ETNPPL: variants seen among roughly 807,000 people sequenced by gnomAD.
ETNPPL encodes alanine--glyoxylate aminotransferase 2-like 1.
ETNPPL carries 30 observed loss-of-function variants against 55.5 expected under a neutral mutation model. The observed-to-expected ratio is 0.54, with a 90% CI of 0.40 to 0.73. ETNPPL has a LOEUF of 0.73. ETNPPL is among the 30% of genes least tolerant of loss of function. The probability of loss-of-function intolerance (pLI) is 0.00; values close to 1 mark genes in which losing one functional copy is unlikely to be tolerated. For missense variants in ETNPPL, 528 were observed against 607.9 expected, an observed-to-expected ratio of 0.87 and a Z score of 1.38; for synonymous variants, 202 against 207.2, an observed-to-expected ratio of 0.98 and a Z score of 0.21.
chr4:108,746,731 T>C (rs1166727215), intron 10 of ETNPPL, 31 bp downstream of exon 10: 3 of 1,600,004 alleles, frequency 1.9e-6, no homozygotes, highest in South Asian at 1.1e-5. Context: ...GCAGCCAAGA[T>C]ACCAAACAGG....
intron 8 of ETNPPL, among the ~76,000 whole-genome samples, chr4:108,748,493 C>T (rs1187723610): frequency 1.3e-5 from 2 of 152,102 alleles, no homozygotes; most frequent in Admixed American, 1.3e-4. Context: ...GGTTTCTGCC[C>T]TTGAAGAGCT....
rs530138972 is a variant in ETNPPL at position 108,752,851 on chromosome 4, T to C, written c.618+44A>G. 2.1e-5 allele frequency: 24 copies of C among 1,116,376 alleles called. No individual in the cohort carries two copies. In the South Asian group the frequency reaches 3.0e-4, roughly 14 times the overall value. The allele number at this position is 1,116,376 out of a possible 1,614,324, so 69.2% of individuals were successfully genotyped here. On this transcript the variant is annotated intron_variant, in intron 6 of 12. Coordinates refer to ENST00000296486, the MANE Select transcript of ETNPPL (RefSeq NM_031279.4). ...GTGAATCCCAACAGTTTTAATCCCT[T>C]TTATAAAAGATGTTGAGATGTTTCC... is the stretch of plus-strand genomic sequence containing the variant.
At chr4:108,748,469 G>A (rs1728729237) in intron 8 of ETNPPL, among the ~76,000 whole-genome samples, 1 of 152,170 alleles carries the variant, frequency 6.6e-6, no homozygotes. Context: ...GTGTTGCCCA[G>A]TGAGGGAAAT....
At chr4:108,762,607 G>C in intron 1 of ETNPPL, 1 of 634,738 alleles carries the variant, frequency 1.6e-6, no homozygotes. Context: ...GCCGGCTGCA[G>C]AGCGAGCCGG....
At chr4:108,762,691 A>G in intron 1 of ETNPPL, 152 bp downstream of exon 1, 1 of 947,104 alleles carries the variant, frequency 1.1e-6, no homozygotes, top group Non-Finnish European at 1.7e-6. Flanking sequence ...CGGCCCCTGC[A>G]GGTGGAGGCG....
At chr4:108,757,461 T>C (rs1029029545) in intron 3 of ETNPPL, among the ~76,000 whole-genome samples, 2 of 152,080 alleles carry the variant, frequency 1.3e-5, no homozygotes, top group Non-Finnish European at 2.9e-5. Flanking sequence ...CTGAAGACTT[T>C]TTTACTTTTA....
chr4:108,760,257 C>T lies in ETNPPL; in HGVS notation c.106G>A (p.Ala36Thr), dbSNP rs772083352. The T allele has an allele frequency of 2.5e-6, 4 of 1,612,588 alleles. No individual in the cohort carries two copies. The highest frequency in any genetic ancestry group is 1.7e-6 in the Non-Finnish European group (2 of 1,178,936). Residue 36 changes from alanine to threonine, a missense_variant, in exon 2 of 13, where the codon GCC becomes ACC. By Grantham distance (58) the Ala-to-Thr change is moderately conservative (BLOSUM62 0). Transcript: ENST00000296486. ...TCATCAAACATGTACTGCCTCTGGG[C>T]TCTCACTATTTTGATGGGATCCGAT... ...FASDPIKIVR[A>T]QRQYMFDENG... is the part of the protein sequence containing the mutation.
rs1560650187 is a variant in ETNPPL at position 108,747,149 on chromosome 4, A to AT, written c.1083-299dup. Among the ~76,000 whole-genome samples the AT allele has an allele frequency of 1.2e-3, 19 of 16,420 alleles. 1 individual carries two copies. Among genetic ancestry groups the AT allele is most frequent in the Non-Finnish European group, 1.5e-3 (16 of 10,752 alleles). 10.8% of individuals were successfully genotyped at this position (16,420 alleles called of 152,430 possible). A position where few individuals can be genotyped will look rare whatever the true frequency, so the allele number is the denominator to read the frequency against. ...TTATATATATATATATATATATATA[A>AT]TATATATATATATATTATATATATA... On this transcript the variant is annotated intron_variant, in intron 9 of 12. Transcript: ENST00000296486.
chr4:108,757,156 C>A (rs1729246963), intron 3 of ETNPPL, among the ~76,000 whole-genome samples: 1 of 152,102 alleles, frequency 6.6e-6, no homozygotes, highest in Non-Finnish European at 1.5e-5. Flanking sequence ...TGGCTGCCAA[C>A]CCTATGTCAT....
At chr4:108,746,366 A>T in intron 11 of ETNPPL, 33 bp downstream of exon 11, 1 of 1,594,348 alleles carries the variant, frequency 6.3e-7, no homozygotes, top group Non-Finnish European at 8.5e-7. Flanking sequence ...GGGAGAGGGA[A>T]CAAGAAGACA....
chr4:108,746,807 A>G lies in ETNPPL; in HGVS notation c.1127T>C (p.Leu376Pro), dbSNP rs896294015. 2 of 1,613,970 alleles carry G rather than the reference A, an allele frequency of 1.2e-6. No homozygotes were observed. The highest frequency in any genetic ancestry group is 1.7e-5 in the Admixed American group (1 of 59,980). The change falls in exon 10 of 13, where the codon CTG becomes CCG. Residue 376 changes from leucine (L) to proline (P), a missense_variant. Physicochemically the swap from Leu to Pro is moderately conservative, Grantham distance 98. Transcript: ENST00000296486. The stretch of plus-strand genomic sequence containing the variant: ...TTCAGCTGTGGCAGGGGTCCTTTTC[A>G]GATGGTCCTTCACTAAATCAATTCC... ...FIGIDLVKDH[L>P]KRTPATAEAQ... is the part of the protein sequence containing the mutation.
At chr4:108,753,040 G>A in intron 5 of ETNPPL, 29 bp from the exon 6 acceptor site, 4 of 1,313,866 alleles carry the variant, frequency 3.0e-6, no homozygotes, top group East Asian at 2.4e-5. Context: ...GCAGTTGCTT[G>A]TAATTTGCCT....
intron 5 of ETNPPL, 30 bp downstream of exon 5, chr4:108,754,590 C>A: frequency 8.9e-7 from 1 of 1,129,178 alleles, no homozygotes; most frequent in Admixed American, 1.8e-5. Context: ...CCAATACAAA[C>A]ATTCTGATTT....
At chr4:108,752,197 G>A (rs552144639) in intron 6 of ETNPPL, among the ~76,000 whole-genome samples, 5 of 150,556 alleles carry the variant, frequency 3.3e-5, no homozygotes, top group African/African-American at 1.2e-4. Flanking sequence ...AAAAAGAAAA[G>A]GCCTCATTTT....
chr4:108,758,893 T>C (rs1315787786), intron 3 of ETNPPL, among the ~76,000 whole-genome samples: 1 of 152,034 alleles, frequency 6.6e-6, no homozygotes, highest in Non-Finnish European at 1.5e-5. Flanking sequence ...TCTACTAGAA[T>C]ACAAAATTAG....
Position 108,756,441 on chromosome 4 carries a change from G to C in ETNPPL, c.387C>G (p.His129Gln), listed in dbSNP as rs1326329250. Residue 129 changes from histidine (H) to glutamine (Q), a missense_variant, in exon 4 of 13, where the codon CAC (histidine) becomes CAG (glutamine). Transcript: ENST00000296486. ...ALRLARQFRG[H>Q]QDVITLDHAY... ...ACTGGTCAAGAGTGATCACATCCTG[G>C]TGGCCTCTGAACTGCCGAGCCAGGC... The C allele has an allele frequency of 5.6e-6, 9 of 1,613,970 alleles. No individual in the cohort carries two copies. The highest frequency in any genetic ancestry group is 7.6e-6 in the Non-Finnish European group (9 of 1,179,840).
At chr4:108,742,697 A>G in intron 12 of ETNPPL, 85 bp from the exon 13 acceptor site, 1 of 1,504,992 alleles carries the variant, frequency 6.6e-7, no homozygotes, top group Non-Finnish European at 9.2e-7. Context: ...CCACACACAA[A>G]CAAAGGACAC....
In ETNPPL at chr4:108,752,907, G is replaced by A; in HGVS notation, c.606C>T (p.Asn202=). ...TATAAATACAAACCTTCCTTCCACT[G>A]TTATGAGCATCTTCAATGATTTTCT... ...EVKKIIEDAH[N]SGRKIAAFIA... The change falls in exon 6 of 13, where the codon AAC becomes AAT. Residue 202 remains asparagine (N), a synonymous_variant. Coordinates refer to ENST00000296486, the MANE Select transcript of ETNPPL (RefSeq NM_031279.4). 2 of 1,590,554 alleles carry A rather than the reference G, an allele frequency of 1.3e-6. No individual in the cohort carries two copies. The highest frequency in any genetic ancestry group is 1.7e-6 in the Non-Finnish European group (2 of 1,159,790).
Position 108,742,523 on chromosome 4 carries a change from C to T in ETNPPL, c.1461G>A (p.Thr487=), listed in dbSNP as rs765674877. The change falls in exon 13 of 13, where the codon ACG becomes ACA. Residue 487 remains threonine, a synonymous_variant. Coordinates refer to ENST00000296486, the MANE Select transcript of ETNPPL (RefSeq NM_031279.4). ...NPSRKRNGMC[T]DTHSLLSKRL... ...TCTTACTGAGCAGTGAATGTGTATC[C>T]GTGCACATTCCATTTCTCTTTCTGC... 4.3e-6 allele frequency: 7 copies of T among 1,613,562 alleles called. No individual in the cohort carries two copies. Among genetic ancestry groups the T allele is most frequent in the Admixed American group, 1.7e-5 (1 of 59,986 alleles).
Sources: allele counts gnomAD v4.1 joint callset (sites outside exome capture counted in the v4.1 genomes callset), GRCh38; gene constraint gnomAD v4.1.1; transcripts MANE v1.5; gene names NCBI Gene and HGNC (gene_info 2026-07-23, HGNC 2026-07-21).